Variants in PEPD observed in about 807,000 individuals in gnomAD.
The protein encoded by PEPD is peptidase D.
PEPD carries 53 observed loss-of-function variants against 60.7 expected under a neutral mutation model. That is an observed-to-expected ratio of 0.87 (90% CI 0.70 to 1.10). The LOEUF (loss-of-function observed/expected upper bound fraction) is 1.10, where lower values mean the gene tolerates loss of function less well. Among genes scored for constraint, PEPD ranks in the 50% least tolerant of loss-of-function variants. The pLI, the probability that PEPD is intolerant of heterozygous loss-of-function variation, is 0.00. For missense variants in PEPD, 711 were observed against 711.9 expected, an observed-to-expected ratio of 1.00 and a Z score of 0.01; for synonymous variants, 267 against 284.1, an observed-to-expected ratio of 0.94 and a Z score of 0.60.
intron 9 of PEPD, among the ~76,000 whole-genome samples, chr19:33,453,313 T>TA (rs767526615): frequency 6.7e-6 from 1 of 149,340 alleles, no homozygotes. Context: ...AACACTGTCA[T>TA]AAAAAAATAA....
chr19:33,396,485 C>T (rs1330947698), intron 12 of PEPD, among the ~76,000 whole-genome samples: 1 of 152,236 alleles, frequency 6.6e-6, no homozygotes, highest in African/African-American at 2.4e-5. Context: ...CTTTCCCCTC[C>T]TCTGACCTCA....
chr19:33,453,313 T>TAAAAAAAA (rs767526615), intron 9 of PEPD, among the ~76,000 whole-genome samples: 11 of 149,228 alleles, frequency 7.4e-5, no homozygotes, highest in Admixed American at 2.0e-4. Flanking sequence ...AACACTGTCA[T>TAAAAAAAA]AAAAAAATAA....
intron 6 of PEPD, among the ~76,000 whole-genome samples, chr19:33,478,713 T>C (rs1183221343): frequency 1.3e-5 from 2 of 151,510 alleles, no homozygotes; most frequent in African/African-American, 2.4e-5. Context: ...AAGAATTCCA[T>C]ATCCAGCAAA....
chr19:33,411,697 G>A lies in PEPD; in HGVS notation c.793C>T (p.Arg265Ter), dbSNP rs121917725. The A allele has an allele frequency of 9.9e-6, 16 of 1,609,348 alleles. No homozygotes were observed. The highest frequency in any genetic ancestry group is 1.4e-5 in the Non-Finnish European group (16 of 1,176,142). ...CACATATCCCCATTCTGGATCGTTC[G>A]GTCGTTGGGAGCTCCGGCGTGTCCG... ...HYGHAGAPND[R>*]TIQNGDMCLF... The change falls in exon 11 of 15, where the codon CGA becomes TGA. Residue 265 changes from arginine (R) to a stop codon, truncating the protein, a stop_gained. Coordinates refer to ENST00000244137, the MANE Select transcript of PEPD (RefSeq NM_000285.4). LOFTEE classifies it high-confidence loss of function.
intron 3 of PEPD, among the ~76,000 whole-genome samples, chr19:33,509,747 G>A (rs1047283696): frequency 5.3e-5 from 8 of 152,240 alleles, no homozygotes; most frequent in Non-Finnish European, 1.5e-5. Context: ...CAGTGAGGCA[G>A]CCAGCATTTA....
At chr19:33,488,717 G>A (rs1299038957) in intron 6 of PEPD, among the ~76,000 whole-genome samples, 1 of 152,164 alleles carries the variant, frequency 6.6e-6, no homozygotes, top group Non-Finnish European at 1.5e-5. Flanking sequence ...CTTAGCATAG[G>A]GGGAGGTGGG....
intron 9 of PEPD, among the ~76,000 whole-genome samples, chr19:33,439,646 C>T (rs971751827): frequency 1.3e-5 from 2 of 152,164 alleles, no homozygotes; most frequent in Non-Finnish European, 1.5e-5. Context: ...GGGAAGGATC[C>T]GGCTGAGGGA....
intron 9 of PEPD, among the ~76,000 whole-genome samples, chr19:33,460,356 G>A (rs182493035): frequency 1.5e-4 from 23 of 152,256 alleles, no homozygotes; most frequent in Admixed American, 3.9e-4. Flanking sequence ...GAGGGAGCTC[G>A]AGGCGGAAGA....
intron 7 of PEPD, among the ~76,000 whole-genome samples, chr19:33,474,264 G>A (rs1970177081): frequency 6.6e-6 from 1 of 152,238 alleles, no homozygotes; most frequent in Admixed American, 6.5e-5. Flanking sequence ...AGCAGTGCAA[G>A]AGCCTGGGAT....
At chr19:33,464,499 C>T (rs1969983357) in intron 7 of PEPD, among the ~76,000 whole-genome samples, 1 of 152,186 alleles carries the variant, frequency 6.6e-6, no homozygotes, top group Non-Finnish European at 1.5e-5. Context: ...GAAGAGGCCT[C>T]GTTTCCTCCC....
chr19:33,482,001 T>TA (rs1970320464), intron 6 of PEPD, among the ~76,000 whole-genome samples: 2 of 151,924 alleles, frequency 1.3e-5, no homozygotes, highest in South Asian at 4.2e-4. Flanking sequence ...GCCTGGGAGA[T>TA]AGAGAGACTC....
intron 3 of PEPD, among the ~76,000 whole-genome samples, chr19:33,502,135 A>G (rs1324579042): frequency 6.6e-6 from 1 of 152,178 alleles, no homozygotes; most frequent in Non-Finnish European, 1.5e-5. Context: ...CGCAAGGGGA[A>G]AGGAACACAA....
chr19:33,488,122 C>T (rs1053665471), intron 6 of PEPD, among the ~76,000 whole-genome samples: 6 of 152,096 alleles, frequency 3.9e-5, no homozygotes, highest in Admixed American at 2.0e-4. Context: ...AAGCTCTCAC[C>T]GCTGAGAAGG....
intron 13 of PEPD, chr19:33,388,468 T>C (rs762127706): frequency 8.9e-5 from 34 of 383,976 alleles, no homozygotes; most frequent in Non-Finnish European, 1.4e-4. Context: ...CCAAAAAAGC[T>C]CTTAAGGCGG....
chr19:33,404,372 T>G (rs1478858619), intron 11 of PEPD, among the ~76,000 whole-genome samples: 2 of 152,020 alleles, frequency 1.3e-5, no homozygotes, highest in Admixed American at 1.3e-4. Flanking sequence ...AATCAGAAGG[T>G]GACCTGCAAC....
intron 1 of PEPD, among the ~76,000 whole-genome samples, chr19:33,517,899 G>C (rs548729794): frequency 6.6e-6 from 1 of 151,762 alleles, no homozygotes; most frequent in Non-Finnish European, 1.5e-5. Context: ...CCCGGGAGGC[G>C]GAGGTTGCAG....
intron 11 of PEPD, among the ~76,000 whole-genome samples, chr19:33,406,565 G>C (rs1212660539): frequency 2.6e-5 from 4 of 152,206 alleles, no homozygotes; most frequent in Non-Finnish European, 5.9e-5. Context: ...GGGAGAGCTG[G>C]GCTGGGACAG....
intron 12 of PEPD, among the ~76,000 whole-genome samples, chr19:33,398,715 C>T (rs899551961): frequency 6.6e-6 from 1 of 152,258 alleles, no homozygotes; most frequent in Non-Finnish European, 1.5e-5. Context: ...GCGACTGCTT[C>T]GTGGAGGCTG....
At chr19:33,438,234 G>C (rs564109890) in intron 9 of PEPD, among the ~76,000 whole-genome samples, 7 of 152,142 alleles carry the variant, frequency 4.6e-5, no homozygotes, top group Non-Finnish European at 1.0e-4. Context: ...CTGCTTGCTG[G>C]GCCCAGAACG....
Sources: gnomAD v4.1 joint callset for allele counts (sites outside exome capture counted in the v4.1 genomes callset) on GRCh38, gnomAD v4.1.1 for gene constraint, MANE v1.5 for transcripts, NCBI Gene and HGNC (gene_info 2026-07-23, HGNC 2026-07-21) for gene names.